SLC14A2: variants seen among roughly 807,000 people sequenced by gnomAD.
SLC14A2 encodes the protein urea transporter 2.
A neutral mutation model predicts 104.6 loss-of-function variants in SLC14A2; 91 were observed. That is an observed-to-expected ratio of 0.87 (90% CI 0.73 to 1.04). The LOEUF is 1.04. Ranked by LOEUF, SLC14A2 falls within the 50% of genes least tolerant of loss-of-function variation. The pLI is 0.00. For synonymous variants in SLC14A2, 476 were observed against 466.4 expected (o/e 1.02, Z -0.27); for missense variants, 1,189 against 1,156.0 (o/e 1.03, Z -0.41).
rs774848430 is a variant in SLC14A2, at chr18:45,644,030, C to T, written c.1221C>T (p.Ile407=). ...PGTWAFCLAT[I]IFLLLTTNNP... is the part of the protein sequence containing the mutation. ...CCTGGGCCTTCTGCCTTGCCACCATCATCTTCCTGCTCCTGACGACAAACA... is the reference window on the plus strand; with the variant it reads ...CCTGGGCCTTCTGCCTTGCCACCATTATCTTCCTGCTCCTGACGACAAACA... Residue 407 remains isoleucine (I), a synonymous_variant, in exon 10 of 20, where the codon ATC becomes ATT. Coordinates refer to ENST00000255226, the MANE Select transcript of SLC14A2 (RefSeq NM_007163.4). 1.2e-6 allele frequency: 2 copies of T among 1,614,222 alleles called. No homozygotes were observed. The highest frequency in any genetic ancestry group is 3.3e-5 in the Admixed American group (2 of 60,026).
intron 1 of SLC14A2, among the ~76,000 whole-genome samples, chr18:45,368,816 T>C (rs1014683619): frequency 6.6e-6 from 1 of 152,224 alleles, no homozygotes; most frequent in African/African-American, 2.4e-5. Context: ...TGTTGGACAC[T>C]GAAGTGTTCC....
intron 1 of SLC14A2, among the ~76,000 whole-genome samples, chr18:45,392,232 T>A (rs188343954): frequency 2.5e-3 from 385 of 152,322 alleles, no homozygotes; most frequent in South Asian, 0.016. Flanking sequence ...TCAGGACAGC[T>A]GCTGAGGTCT....
intron 1 of SLC14A2, among the ~76,000 whole-genome samples, chr18:45,222,986 C>T (rs1419491120): frequency 6.6e-6 from 1 of 152,160 alleles, no homozygotes; most frequent in Non-Finnish European, 1.5e-5. Context: ...TAACACTAAA[C>T]AAGGAGGGTG....
chr18:45,346,129 C>G (rs1205099421), intron 1 of SLC14A2, among the ~76,000 whole-genome samples: 1 of 152,102 alleles, frequency 6.6e-6, no homozygotes, highest in Admixed American at 6.6e-5. Flanking sequence ...TTGACTATTC[C>G]AATGTTTTGT....
At chr18:45,346,584 T>A (rs1224667570) in intron 1 of SLC14A2, among the ~76,000 whole-genome samples, 1 of 152,236 alleles carries the variant, frequency 6.6e-6, no homozygotes, top group East Asian at 1.9e-4. Context: ...TAGTGGCATC[T>A]TCTGATAAGC....
the SLC14A2 span, among the ~76,000 whole-genome samples, chr18:45,199,344 T>C: frequency 6.6e-6 from 1 of 152,178 alleles, no homozygotes; most frequent in African/African-American, 2.4e-5. Flanking sequence ...TTGTATTTTT[T>C]TCTTCTAAAA....
At chr18:45,268,976 G>GTGTGTGTGTGTA (rs1555670633) in intron 1 of SLC14A2, among the ~76,000 whole-genome samples, 2 of 151,598 alleles carry the variant, frequency 1.3e-5, no homozygotes, top group African/African-American at 4.9e-5. Context: ...GTGTGTGTGT[G>GTGTGTGTGTGTA]TGTGTGTGTG....
intron 1 of SLC14A2, among the ~76,000 whole-genome samples, chr18:45,414,757 A>AAAAAATATAT (rs1360051908): frequency 1.3e-4 from 10 of 76,104 alleles, no homozygotes; most frequent in East Asian, 1.1e-3. Context: ...AAAAAAAAAA[A>AAAAAATATAT]ATATATATAT....
chr18:45,189,274 G>A, the SLC14A2 span, among the ~76,000 whole-genome samples: 1 of 152,148 alleles, frequency 6.6e-6, no homozygotes, highest in Non-Finnish European at 1.5e-5. Flanking sequence ...CTGCAACCCT[G>A]AGAGCAAAAT....
At chr18:45,634,989 T>C (rs1433314343) in intron 5 of SLC14A2, 1 of 359,438 alleles carries the variant, frequency 2.8e-6, no homozygotes, top group Non-Finnish European at 5.6e-6. Flanking sequence ...TTAAAGAAGA[T>C]AGAGGCAATA....
chr18:45,225,215 G>T (rs1363935327), intron 1 of SLC14A2, among the ~76,000 whole-genome samples: 1 of 152,234 alleles, frequency 6.6e-6, no homozygotes, highest in Admixed American at 6.5e-5. Flanking sequence ...CATGTGGCTA[G>T]CCAGTTTTCC....
At chr18:45,194,529 C>T in the SLC14A2 span, among the ~76,000 whole-genome samples, 8 of 152,132 alleles carry the variant, frequency 5.3e-5, no homozygotes, top group South Asian at 1.7e-3. Context: ...AGCTTGCATG[C>T]TCAGGGTAAA....
intron 1 of SLC14A2, among the ~76,000 whole-genome samples, chr18:45,234,560 A>T (rs1245073103): frequency 3.3e-5 from 5 of 152,218 alleles, no homozygotes; most frequent in Admixed American, 1.3e-4. Context: ...AAAGACCAGC[A>T]ATTATTTAAG....
chr18:45,203,530 C>A, the SLC14A2 span, among the ~76,000 whole-genome samples: 2 of 152,136 alleles, frequency 1.3e-5, no homozygotes. Flanking sequence ...AAAAATACAA[C>A]ACTGTGTGTG....
intron 1 of SLC14A2, among the ~76,000 whole-genome samples, chr18:45,480,624 A>G (rs72912658): frequency 0.087 from 13,303 of 152,242 alleles, 711 homozygotes; most frequent in Middle Eastern, 0.13. Flanking sequence ...GATTACCCCC[A>G]CAGCCCACAT....
chr18:45,422,188 A>G (rs1002488230), intron 1 of SLC14A2, among the ~76,000 whole-genome samples: 5 of 152,174 alleles, frequency 3.3e-5, no homozygotes, highest in Non-Finnish European at 4.4e-5. Context: ...AAGACTGTCA[A>G]TCTGGCAAGA....
At chr18:45,175,196 A>T in the SLC14A2 span, among the ~76,000 whole-genome samples, 10 of 152,190 alleles carry the variant, frequency 6.6e-5, no homozygotes, top group Non-Finnish European at 1.2e-4. Context: ...CCTTGTTTGT[A>T]ATAGCAAAGG....
intron 2 of SLC14A2, among the ~76,000 whole-genome samples, chr18:45,545,296 A>G (rs1446830982): frequency 6.6e-6 from 1 of 152,190 alleles, no homozygotes; most frequent in Non-Finnish European, 1.5e-5. Flanking sequence ...ATCGGGCCAC[A>G]TAGGTGGAGC....
At chr18:45,209,733 A>G (rs1412794516), upstream of SLC14A2, among the ~76,000 whole-genome samples, 1 of 152,220 alleles carries the variant, frequency 6.6e-6, no homozygotes, top group Non-Finnish European at 1.5e-5. Context: ...TTAAGAAGAT[A>G]AAAAGAGACT....
Sources: allele counts gnomAD v4.1 joint callset (sites outside exome capture counted in the v4.1 genomes callset), GRCh38; gene constraint gnomAD v4.1.1; transcripts MANE v1.5; gene names NCBI Gene and HGNC (gene_info 2026-07-23, HGNC 2026-07-21).